Variants in TPP2 observed in about 807,000 individuals in gnomAD.
The protein encoded by TPP2 is tripeptidyl-peptidase 2.
Under a neutral mutation model 155.9 loss-of-function variants are expected in TPP2, and 34 were observed. That is an observed-to-expected ratio of 0.22 (90% CI 0.17 to 0.29). The LOEUF (loss-of-function observed/expected upper bound fraction) is 0.29, where lower values mean the gene tolerates loss of function less well. Ranked by LOEUF, TPP2 falls within the 10% of genes least tolerant of loss-of-function variation. TPP2 has a pLI of 1.00. For synonymous variants in TPP2, 510 were observed against 529.4 expected (o/e 0.96, Z 0.50); for missense variants, 1,028 against 1,522.3 (o/e 0.68, Z 5.40).
intron 6 of TPP2, 79 bp downstream of exon 6, chr13:102,623,119 C>A: frequency 7.0e-7 from 1 of 1,436,392 alleles, no homozygotes; most frequent in Non-Finnish European, 9.3e-7. Flanking sequence ...TCACAGCAAC[C>A]TTCTAGAGAA....
intron 1 of TPP2, among the ~76,000 whole-genome samples, chr13:102,603,591 G>A (rs1879593143): frequency 1.3e-5 from 2 of 152,178 alleles, no homozygotes; most frequent in South Asian, 4.1e-4. Flanking sequence ...GGAGGTTGGC[G>A]TGGTTAGACT....
At chr13:102,604,724 T>C in intron 1 of TPP2, 69 bp from the exon 2 acceptor site, 14 of 1,509,128 alleles carry the variant, frequency 9.3e-6, no homozygotes, top group Non-Finnish European at 1.3e-5. Flanking sequence ...CATATATATG[T>C]GGATTTGCAT....
Position 102,649,065 on chromosome 13 carries a change from A to T in TPP2, c.2787A>T (p.Ala929=), listed in dbSNP as rs773923891. Residue 929 remains alanine (A), a synonymous_variant, in exon 22 of 30, where the codon GCA becomes GCT. Transcript: ENST00000376052. Reference sequence around the variant, plus strand: ...ATATTCATGAAAATCATAGTTTTGCACTTCTAGGGAAGAAGAAATCAAGCA... The same window carrying T: ...ATATTCATGAAAATCATAGTTTTGCTCTTCTAGGGAAGAAGAAATCAAGCA... The part of the protein sequence containing the change: ...SLDIHENHSF[A]LLGKKKSSNL... 2 of 1,613,318 alleles carry T rather than the reference A, an allele frequency of 1.2e-6. No individual in the cohort carries two copies. The highest frequency in any genetic ancestry group is 2.7e-5 in the African/African-American group (2 of 74,922).
intron 8 of TPP2, 29 bp downstream of exon 8, chr13:102,627,953 A>G (rs1881757594): frequency 1.3e-6 from 2 of 1,568,998 alleles, no homozygotes; most frequent in East Asian, 2.3e-5. Flanking sequence ...TTGTTTAGCC[A>G]TAGAACCTTA....
intron 15 of TPP2, among the ~76,000 whole-genome samples, chr13:102,638,951 C>T (rs1305308869): frequency 6.6e-6 from 1 of 152,196 alleles, no homozygotes; most frequent in East Asian, 1.9e-4. Flanking sequence ...CACATTTTGG[C>T]CAACTCACTG....
chr13:102,656,772 A>C (rs1005576305), intron 24 of TPP2, among the ~76,000 whole-genome samples: 2 of 152,212 alleles, frequency 1.3e-5, no homozygotes, highest in Admixed American at 1.3e-4. Context: ...CTGTCTGCCA[A>C]GTAAAGCCAA....
At chr13:102,620,864 G>A (rs996937142) in intron 5 of TPP2, among the ~76,000 whole-genome samples, 18 of 152,142 alleles carry the variant, frequency 1.2e-4, no homozygotes, top group Admixed American at 2.6e-4. Flanking sequence ...TTTTGACCTT[G>A]CTTATGTCAT....
At chr13:102,665,346 T>C (rs559066650) in intron 27 of TPP2, among the ~76,000 whole-genome samples, 5 of 152,272 alleles carry the variant, frequency 3.3e-5, no homozygotes, top group African/African-American at 1.2e-4. Flanking sequence ...TAATACGTGG[T>C]TTGTAGTGAA....
At chr13:102,640,169 T>C in intron 15 of TPP2, 101 bp from the exon 16 acceptor site, 1 of 919,866 alleles carries the variant, frequency 1.1e-6, no homozygotes, top group Non-Finnish European at 1.6e-6. Flanking sequence ...TCCCTGTGTT[T>C]ATTTCCAATG....
intron 27 of TPP2, among the ~76,000 whole-genome samples, chr13:102,668,424 C>A (rs117826933): frequency 6.6e-6 from 1 of 152,098 alleles, no homozygotes; most frequent in Admixed American, 6.5e-5. Context: ...GTTTGTCTGG[C>A]GTAGTGGTTA....
chr13:102,620,579 A>C (rs1881080852), intron 5 of TPP2, among the ~76,000 whole-genome samples: 1 of 152,182 alleles, frequency 6.6e-6, no homozygotes, highest in African/African-American at 2.4e-5. Context: ...AGGGAGGTAA[A>C]GTGACCTATT....
At chr13:102,614,267 T>A in intron 3 of TPP2, 71 bp downstream of exon 3, 1 of 1,301,794 alleles carries the variant, frequency 7.7e-7, no homozygotes, top group South Asian at 1.5e-5. Context: ...TTATTCCTAC[T>A]GAAGAAAAAG....
intron 20 of TPP2, among the ~76,000 whole-genome samples, chr13:102,646,772 C>T (rs1210889446): frequency 1.3e-5 from 2 of 152,134 alleles, no homozygotes; most frequent in Non-Finnish European, 2.9e-5. Flanking sequence ...CAGAGTAGCT[C>T]CCAGGTGGGA....
intron 25 of TPP2, among the ~76,000 whole-genome samples, chr13:102,663,138 T>A (rs1023232245): frequency 1.6e-3 from 91 of 56,674 alleles, no homozygotes; most frequent in African/African-American, 2.5e-3. Context: ...TTATTTTTTT[T>A]AATTAATTAA....
chr13:102,670,036 G>A (rs578163642), intron 27 of TPP2, among the ~76,000 whole-genome samples: 2 of 152,100 alleles, frequency 1.3e-5, no homozygotes, highest in East Asian at 1.9e-4. Context: ...CAGTATTAAG[G>A]CTCCAACCTC....
At chr13:102,619,821 C>T (rs1331920725) in intron 5 of TPP2, among the ~76,000 whole-genome samples, 1 of 152,168 alleles carries the variant, frequency 6.6e-6, no homozygotes, top group Non-Finnish European at 1.5e-5. Context: ...TGTGCATATG[C>T]ATACACGTTT....
At chr13:102,676,546 G>A (rs906933554) in intron 29 of TPP2, 131 bp downstream of exon 29, 62 of 1,099,860 alleles carry the variant, frequency 5.6e-5, no homozygotes, top group Middle Eastern at 6.5e-4. Context: ...AGTAATTAGC[G>A]TAATATGAAC....
chr13:102,628,270 T>A (rs1203261157), intron 8 of TPP2, among the ~76,000 whole-genome samples: 1 of 152,158 alleles, frequency 6.6e-6, no homozygotes, highest in African/African-American at 2.4e-5. Flanking sequence ...TGGTGTTTTT[T>A]CACTGTCAGA....
intron 6 of TPP2, among the ~76,000 whole-genome samples, chr13:102,625,154 G>A (rs1881496942): frequency 7.5e-6 from 1 of 132,600 alleles, no homozygotes; most frequent in African/African-American, 2.9e-5. Context: ...CACCACGCCC[G>A]GCCACTTAAC....
Sources: allele counts gnomAD v4.1 joint callset (sites outside exome capture counted in the v4.1 genomes callset), GRCh38; gene constraint gnomAD v4.1.1; transcripts MANE v1.5; gene names NCBI Gene and HGNC (gene_info 2026-07-23, HGNC 2026-07-21).